WDPCP: variants seen among roughly 807,000 people sequenced by gnomAD.
WDPCP encodes WD repeat containing planar cell polarity effector.
Under a neutral mutation model 93.1 loss-of-function variants are expected in WDPCP, and 71 were observed. That is an observed-to-expected ratio of 0.76 (90% CI 0.63 to 0.93). The LOEUF (loss-of-function observed/expected upper bound fraction) is 0.93, where lower values mean the gene tolerates loss of function less well. WDPCP is among the 40% of genes least tolerant of loss of function. The pLI, the probability that WDPCP is intolerant of heterozygous loss-of-function variation, is 0.00. For missense variants in WDPCP, 844 were observed against 887.4 expected, an observed-to-expected ratio of 0.95 and a Z score of 0.62; for synonymous variants, 315 against 315.0, an observed-to-expected ratio of 1.00 and a Z score of 0.00.
intron 14 of WDPCP, among the ~76,000 whole-genome samples, chr2:63,189,429 T>C (rs1674875340): frequency 6.6e-6 from 1 of 152,224 alleles, no homozygotes; most frequent in Non-Finnish European, 1.5e-5. Flanking sequence ...ATTAACTAAT[T>C]TCTAGATTTA....
rs1226787112 is a variant in WDPCP at position 63,268,212 on chromosome 2, A to T, written c.1813-8803T>A. Among the ~76,000 whole-genome samples, 3 of 152,184 alleles carry T rather than the reference A, an allele frequency of 2.0e-5. No homozygotes were observed. In the East Asian group the frequency reaches 5.8e-4, roughly 29 times the overall value. On this transcript the variant is annotated intron_variant, in intron 13 of 17. Transcript: ENST00000272321. The stretch of plus-strand genomic sequence containing the variant: ...TAGAGGACATTATGCTAAGTGAAAG[A>T]AGCTAGGTACAGAAAGAAAGATACT...
chr2:63,823,522 C>CA (rs147495277), intron 1 of WDPCP, among the ~76,000 whole-genome samples: 4,455 of 151,706 alleles, frequency 0.029, 227 homozygotes, highest in African/African-American at 0.1. Context: ...AACAAACAAA[C>CA]AAAAAAAACT....
intron 2 of WDPCP, among the ~76,000 whole-genome samples, chr2:63,693,038 A>C (rs576358917): frequency 2.6e-5 from 4 of 152,316 alleles, no homozygotes; most frequent in Admixed American, 1.3e-4. Flanking sequence ...ACAGATAAAA[A>C]ACTGAGGCAT....
rs557991736 is a variant in WDPCP at position 63,249,881 on chromosome 2, G to A, written c.1915+9426C>T. 1.6e-4 allele frequency among the ~76,000 whole-genome samples: 25 copies of A among 152,264 alleles called. No homozygotes were observed. The South Asian group carries it at 4.1e-3, about 25-fold the overall frequency. ...ACCTGCAAATGTAATGACTTCCATC[G>A]TAGCTAAGCACTTATCACACACTGT... On this transcript the variant is annotated intron_variant, in intron 14 of 17. Coordinates refer to ENST00000272321, the MANE Select transcript of WDPCP (RefSeq NM_015910.7).
rs538867788 is a variant in WDPCP, at chr2:63,296,340, A to G, written c.1812+16908T>C. Among the ~76,000 whole-genome samples the G allele has an allele frequency of 1.2e-3, 177 of 152,328 alleles. 2 individuals are homozygous for G. The Middle Eastern group carries it at 0.017, about 15-fold the overall frequency. Reference sequence around the variant, plus strand: ...ATGACAAGCCCACAGCAAACATCATACTGAATGGAGAAAATTTGCAAGCAT... The same window carrying G: ...ATGACAAGCCCACAGCAAACATCATGCTGAATGGAGAAAATTTGCAAGCAT... On this transcript the variant is annotated intron_variant, in intron 13 of 17. Transcript: ENST00000272321.
At chr2:63,298,668 T>G (rs567862792) in intron 13 of WDPCP, among the ~76,000 whole-genome samples, 1 of 152,300 alleles carries the variant, frequency 6.6e-6, no homozygotes, top group African/African-American at 2.4e-5. Flanking sequence ...CAATGTTGAC[T>G]TCCTTACTTT....
rs1575001073 is a variant in WDPCP, at chr2:63,259,527, T to G, written c.1813-118A>C. On this transcript the variant is annotated intron_variant, in intron 13 of 17. Coordinates refer to ENST00000272321, the MANE Select transcript of WDPCP (RefSeq NM_015910.7). Reference sequence around the variant, plus strand: ...CAAAATAGAAACAGTTTGTAAATATTCTTTTCTGTGTTTTAAGTTTCTTAG... The same window carrying G: ...CAAAATAGAAACAGTTTGTAAATATGCTTTTCTGTGTTTTAAGTTTCTTAG... The G allele has an allele frequency of 9.2e-6, 8 of 870,196 alleles. No individual in the cohort carries two copies. In the East Asian group the frequency reaches 2.1e-4, roughly 23 times the overall value. 53.9% of individuals were successfully genotyped at this position (870,196 alleles called of 1,614,324 possible).
chr2:63,763,268 C>A lies in WDPCP; in HGVS notation n.308+50354G>T, dbSNP rs141247505. Among the ~76,000 whole-genome samples, 58 of 152,182 alleles carry A rather than the reference C, an allele frequency of 3.8e-4. No homozygotes were observed. The East Asian group carries it at 9.6e-3, about 25-fold the overall frequency. On this transcript the variant is annotated intron_variant and non_coding_transcript_variant, in intron 2 of 4. Transcript: ENST00000467687. ...CCTGTGATCCCAGCACTTTGGGAGGCTGAGGAGGGTGGATCACTTGAGGCT... is the reference window on the plus strand; with the variant it reads ...CCTGTGATCCCAGCACTTTGGGAGGATGAGGAGGGTGGATCACTTGAGGCT...
intron 2 of WDPCP, among the ~76,000 whole-genome samples, chr2:63,656,875 A>T (rs1226230364): frequency 1.3e-5 from 2 of 152,262 alleles, no homozygotes; most frequent in African/African-American, 4.8e-5. Flanking sequence ...TTAAGACAAG[A>T]GTAGTCAGGA....
chr2:63,792,926 A>T (rs1430547364), intron 2 of WDPCP, among the ~76,000 whole-genome samples: 2 of 152,166 alleles, frequency 1.3e-5, no homozygotes, highest in Non-Finnish European at 2.9e-5. Flanking sequence ...TGTAAAAAAA[A>T]AAAGGCAGAA....
chr2:63,625,951 C>T (rs1330079250), intron 3 of WDPCP, among the ~76,000 whole-genome samples: 1 of 152,146 alleles, frequency 6.6e-6, no homozygotes, highest in Non-Finnish European at 1.5e-5. Context: ...TACAAGGCTA[C>T]AGTAACCAAA....
At chr2:63,765,478 G>A (rs1303221921) in intron 2 of WDPCP, among the ~76,000 whole-genome samples, 1 of 152,210 alleles carries the variant, frequency 6.6e-6, no homozygotes, top group Non-Finnish European at 1.5e-5. Context: ...AGGGCAGAGA[G>A]ACCTTCACTG....
chr2:63,620,338 G>A (rs904201544), intron 3 of WDPCP, among the ~76,000 whole-genome samples: 1 of 152,208 alleles, frequency 6.6e-6, no homozygotes, highest in Non-Finnish European at 1.5e-5. Context: ...TTGGTAGGGG[G>A]AGGGGCATCC....
chr2:63,701,743 C>T (rs11883518), intron 2 of WDPCP, among the ~76,000 whole-genome samples: 50,605 of 151,978 alleles, frequency 0.33, 9,811 homozygotes, highest in African/African-American at 0.53. Flanking sequence ...TGAAACAAGC[C>T]AAGCACAGAA....
chr2:63,585,062 C>T (rs992660538), intron 1 of WDPCP, among the ~76,000 whole-genome samples: 4 of 152,156 alleles, frequency 2.6e-5, no homozygotes, highest in African/African-American at 2.4e-5. Context: ...TCCTGTATTT[C>T]ACCATTCCTG....
chr2:63,369,679 A>G (rs1028354242), intron 12 of WDPCP, among the ~76,000 whole-genome samples: 4 of 152,154 alleles, frequency 2.6e-5, no homozygotes, highest in Admixed American at 1.3e-4. Context: ...TCTTACCTCT[A>G]TCTGTACAAT....
intron 1 of WDPCP, among the ~76,000 whole-genome samples, chr2:63,542,975 A>G (rs746119905): frequency 3.5e-4 from 53 of 152,298 alleles, no homozygotes; most frequent in Admixed American, 1.7e-3. Context: ...ATGAAACATT[A>G]CCTCAAAATA....
chr2:63,715,616 G>T (rs1031781937), intron 2 of WDPCP, among the ~76,000 whole-genome samples: 2 of 152,124 alleles, frequency 1.3e-5, no homozygotes. Flanking sequence ...ATTTTTTCAT[G>T]CTTCACAAAA....
At chr2:63,411,962 T>C (rs1695053178) in intron 9 of WDPCP, among the ~76,000 whole-genome samples, 1 of 152,072 alleles carries the variant, frequency 6.6e-6, no homozygotes, top group African/African-American at 2.4e-5. Flanking sequence ...AAAGAAGAAT[T>C]GGTACCAATC....
Sources: allele counts gnomAD v4.1 joint callset (sites outside exome capture counted in the v4.1 genomes callset), GRCh38; gene constraint gnomAD v4.1.1; transcripts MANE v1.5; gene names NCBI Gene and HGNC (gene_info 2026-07-23, HGNC 2026-07-21).